Variants in DENND1B observed in about 807,000 individuals in gnomAD.
DENND1B encodes DENN domain containing 1B.
DENND1B carries 59 observed loss-of-function variants against 90.1 expected under a neutral mutation model. The ratio of observed to expected loss-of-function variants is 0.65; its 90% CI spans 0.53 to 0.81. DENND1B has a LOEUF of 0.81. Ranked by LOEUF, DENND1B falls within the 40% of genes least tolerant of loss-of-function variation. The pLI is 0.00. For missense variants in DENND1B, 862 were observed against 912.6 expected (o/e 0.94, Z 0.71); for synonymous variants, 337 against 324.6 (o/e 1.04, Z -0.41).
chr1:197,714,284 T>A (rs991203155), intron 3 of DENND1B, among the ~76,000 whole-genome samples: 2 of 152,006 alleles, frequency 1.3e-5, no homozygotes, highest in Admixed American at 1.3e-4. Flanking sequence ...TATCAATTTT[T>A]AAAAAGCAAA....
intron 2 of DENND1B, among the ~76,000 whole-genome samples, chr1:197,769,949 T>C (rs1248922402): frequency 6.6e-6 from 1 of 152,118 alleles, no homozygotes; most frequent in Non-Finnish European, 1.5e-5. Flanking sequence ...ATCTCTCAAT[T>C]TGGCAAAAAA....
intron 10 of DENND1B, 108 bp downstream of exon 10, chr1:197,642,603 A>C (rs1452576517): frequency 2.1e-5 from 14 of 664,400 alleles, no homozygotes; most frequent in Non-Finnish European, 2.5e-5. Context: ...ACGTATGTAG[A>C]TATTGTCTTA....
intron 2 of DENND1B, among the ~76,000 whole-genome samples, chr1:197,722,830 T>C (rs922795399): frequency 6.6e-6 from 1 of 152,164 alleles, no homozygotes; most frequent in Non-Finnish European, 1.5e-5. Flanking sequence ...AAATTAAAAC[T>C]AAGCAATTTT....
rs766475212 is a variant in DENND1B at position 197,509,921 on chromosome 1, T to G, written c.*539A>C. 6.6e-6 allele frequency: 1 copy of G among 151,982 alleles called. No individual in the cohort carries two copies. 9.4% of individuals were successfully genotyped at this position (151,982 alleles called of 1,614,324 possible). ...TGAAAAGATGAATTTTGACCTTGAT[T>G]TGATGAATAGAAAAAGGCATTATTG... On this transcript the variant is annotated 3_prime_UTR_variant, in exon 23 of 23. Transcript: ENST00000620048.
chr1:197,553,152 A>G (rs1172007160), intron 15 of DENND1B, 40 bp from the exon 16 acceptor site: 9 of 1,432,454 alleles, frequency 6.3e-6, no homozygotes, highest in Non-Finnish European at 7.5e-6. Flanking sequence ...ATCAAATAAA[A>G]TGTTATCCAA....
intron 2 of DENND1B, among the ~76,000 whole-genome samples, chr1:197,761,401 C>T (rs1022772542): frequency 1.3e-5 from 2 of 152,036 alleles, no homozygotes; most frequent in Non-Finnish European, 2.9e-5. Context: ...GAACCACTTC[C>T]ATGCAAGTTT....
At chr1:197,682,134 G>A (rs1264320656) in intron 3 of DENND1B, among the ~76,000 whole-genome samples, 2 of 151,472 alleles carry the variant, frequency 1.3e-5, no homozygotes, top group Non-Finnish European at 2.9e-5. Context: ...GAATAAATCA[G>A]GGACCCTACA....
chr1:197,608,326 T>C (rs950159772), intron 12 of DENND1B, among the ~76,000 whole-genome samples: 3 of 150,660 alleles, frequency 2.0e-5, no homozygotes, highest in African/African-American at 7.3e-5. Flanking sequence ...GGACAGATGA[T>C]TCTAAAAATC....
chr1:197,543,761 T>A (rs904688719), intron 18 of DENND1B, among the ~76,000 whole-genome samples: 13 of 152,200 alleles, frequency 8.5e-5, no homozygotes, highest in Non-Finnish European at 1.9e-4. Context: ...CTGTATTTTT[T>A]AATCAACTCT....
At chr1:197,608,304 T>C (rs1262123936) in intron 12 of DENND1B, among the ~76,000 whole-genome samples, 1 of 150,638 alleles carries the variant, frequency 6.6e-6, no homozygotes, top group East Asian at 1.9e-4. Flanking sequence ...AAAGGCATAA[T>C]GTCTACAGTG....
chr1:197,506,981 C>T lies in DENND1B; in HGVS notation c.*3479G>A, dbSNP rs567357167. On this transcript the variant is annotated 3_prime_UTR_variant, in exon 23 of 23. Coordinates refer to ENST00000620048, the MANE Select transcript of DENND1B (RefSeq NM_001195215.2). ...AAATCTGCCCCTTAAATGTGGGTAT[C>T]TTAGCAGCATAATATACTTAGCATA... 2 of 151,122 alleles carry T rather than the reference C, an allele frequency of 1.3e-5. No individual in the cohort carries two copies. The highest frequency in any genetic ancestry group is 3.0e-5 in the Non-Finnish European group (2 of 67,476). The allele number at this position is 151,122 out of a possible 1,614,324, so 9.4% of individuals were successfully genotyped here.
intron 3 of DENND1B, among the ~76,000 whole-genome samples, chr1:197,695,380 A>C (rs1658329181): frequency 6.6e-6 from 1 of 151,100 alleles, no homozygotes; most frequent in South Asian, 2.1e-4. Context: ...TTGCTATTTT[A>C]GCATTACTGA....
At chr1:197,721,537 A>G (rs925470408) in intron 2 of DENND1B, among the ~76,000 whole-genome samples, 2 of 150,966 alleles carry the variant, frequency 1.3e-5, no homozygotes, top group African/African-American at 4.9e-5. Context: ...CATAAATTAC[A>G]CAAGTAAGAC....
intron 20 of DENND1B, among the ~76,000 whole-genome samples, chr1:197,527,938 C>T (rs1669263839): frequency 6.6e-6 from 1 of 151,988 alleles, no homozygotes; most frequent in Admixed American, 6.6e-5. Flanking sequence ...TCCAAAGATC[C>T]CAACAAGTAT....
At chr1:197,606,950 T>A (rs992750324) in intron 13 of DENND1B, 123 bp downstream of exon 13, 6 of 687,290 alleles carry the variant, frequency 8.7e-6, no homozygotes. Flanking sequence ...TTGATTTCTC[T>A]CACACCCCAT....
At chr1:197,607,040 A>T in intron 13 of DENND1B, 33 bp downstream of exon 13, 1 of 1,485,558 alleles carries the variant, frequency 6.7e-7, no homozygotes, top group Non-Finnish European at 9.3e-7. Context: ...GAGAAAACAT[A>T]TATGTTCACC....
At chr1:197,778,435 G>A (rs1411104397), upstream of DENND1B, among the ~76,000 whole-genome samples, 2 of 152,168 alleles carry the variant, frequency 1.3e-5, no homozygotes, top group African/African-American at 4.8e-5. Flanking sequence ...ATCACTTTGG[G>A]AGGCTAAGGC....
chr1:197,599,796 T>A (rs1057094990), intron 13 of DENND1B, among the ~76,000 whole-genome samples: 2 of 151,878 alleles, frequency 1.3e-5, no homozygotes, highest in African/African-American at 4.8e-5. Flanking sequence ...ACAGAGCATA[T>A]CATTACATTG....
At chr1:197,626,090 A>G (rs1678681131) in intron 10 of DENND1B, among the ~76,000 whole-genome samples, 1 of 152,078 alleles carries the variant, frequency 6.6e-6, no homozygotes, top group Non-Finnish European at 1.5e-5. Context: ...TTAACACCCC[A>G]CTGTCAACAT....
Sources: gnomAD v4.1 joint callset for allele counts (sites outside exome capture counted in the v4.1 genomes callset) on GRCh38, gnomAD v4.1.1 for gene constraint, MANE v1.5 for transcripts, NCBI Gene and HGNC (gene_info 2026-07-23, HGNC 2026-07-21) for gene names.